RPL6: variants seen among roughly 807,000 people sequenced by gnomAD.
RPL6 encodes the protein ribosomal protein L6, also known as large ribosomal subunit protein eL6.
In RPL6, 1 loss-of-function variant was observed where a neutral mutation model predicts 32.1. The ratio of observed to expected loss-of-function variants is 0.03; its 90% CI spans 0.01 to 0.15. The LOEUF (loss-of-function observed/expected upper bound fraction) is 0.15. RPL6 is among the 10% of genes least tolerant of loss of function. The pLI, the probability that RPL6 is intolerant of heterozygous loss-of-function variation, is 1.00. For synonymous variants in RPL6, 126 were observed against 131.6 expected (o/e 0.96, Z 0.29); for missense variants, 275 against 354.6 (o/e 0.78, Z 1.80).
upstream of RPL6, chr12:112,411,518 T>G (rs937732187): frequency 1.3e-5 from 2 of 152,296 alleles, no homozygotes; most frequent in African/African-American, 4.8e-5. Context: ...GCTTTATTTG[T>G]TTAGCTTCCT....
intron 3 of RPL6, chr12:112,407,948 G>GACCTCAGGTGATCTGCTC (rs2037225438): frequency 2.9e-6 from 1 of 341,514 alleles, no homozygotes; most frequent in African/African-American, 2.2e-5. Flanking sequence ...TTGAACTCCT[G>GACCTCAGGTGATCTGCTC]ACCTCAGGTG....
Position 112,408,286 on chromosome 12 carries a change from C to G in RPL6, c.290G>C (p.Gly97Ala). ...CCGGGTACCGCCGTTCTTGTCACCA[C>G]CAACTGGTTTTGTAACAGTTGCGAG... ...KVLATVTKPV[G>A]GDKNGGTRVV... is the part of the protein sequence containing the mutation. The change falls in exon 3 of 7, where the codon GGT (glycine) becomes GCT (alanine). Residue 97 changes from glycine (G) to alanine (A), a missense_variant. Gly to Ala is a moderately conservative substitution (Grantham distance 60). Transcript: ENST00000202773. 1 of 1,614,232 alleles carries G rather than the reference C, an allele frequency of 6.2e-7. No homozygotes were observed. Among genetic ancestry groups the G allele is most frequent in the Non-Finnish European group, 8.5e-7 (1 of 1,180,050 alleles).
chr12:112,410,403 T>G (rs2037321983), upstream of RPL6: 1 of 226,508 alleles, frequency 4.4e-6, no homozygotes, highest in Middle Eastern at 1.2e-3. Flanking sequence ...AATGAGACTC[T>G]GTCTTAAAAA....
In RPL6 at chr12:112,405,902, A is replaced by T. The variant is rs760084678; in HGVS notation, c.665T>A (p.Leu222Gln). 1.9e-6 allele frequency: 3 copies of T among 1,613,968 alleles called. No homozygotes were observed. Among genetic ancestry groups the T allele is most frequent in the Non-Finnish European group, 1.7e-6 (2 of 1,179,934 alleles). The change falls in exon 6 of 7, where the codon CTG becomes CAG. Residue 222 changes from leucine (L) to glutamine (Q), a missense_variant. Leu to Gln is a moderately radical substitution (Grantham distance 113, BLOSUM62 -2). Transcript: ENST00000202773. ...LTDAYFKKKKLRKPRHQEGEI... is the reference protein window; with the variant it reads ...LTDAYFKKKKQRKPRHQEGEI... ...ACCTTCCTGGTGTCTGGGCTTCCGC[A>T]GCTTCTTCTTCTTGAAGTAAGCATC...
intron 6 of RPL6, 61 bp from the exon 7 acceptor site, chr12:112,405,437 A>G (rs1485436075): frequency 6.6e-7 from 1 of 1,517,978 alleles, no homozygotes; most frequent in Non-Finnish European, 9.0e-7. Context: ...TTGTAGGTCA[A>G]CTAAGGAGTC....
chr12:112,405,939 T>C lies in RPL6; in HGVS notation c.628A>G (p.Lys210Glu), dbSNP rs1331312241. 1.9e-6 allele frequency: 3 copies of C among 1,614,108 alleles called. No individual in the cohort carries two copies. Among genetic ancestry groups the C allele is most frequent in the Non-Finnish European group, 2.5e-6 (3 of 1,179,994 alleles). Reference sequence around the variant, plus strand: ...TTGAAGTAAGCATCAGTAAGATGTTTTGGGATTTTTACATTGCTGATATCG... The same window carrying C: ...TTGAAGTAAGCATCAGTAAGATGTTCTGGGATTTTTACATTGCTGATATCG... ...KIDISNVKIP[K>E]HLTDAYFKKK... Residue 210 changes from lysine to glutamate, a missense_variant, in exon 6 of 7, where the codon AAA becomes GAA. Coordinates refer to ENST00000202773, the MANE Select transcript of RPL6 (RefSeq NM_000970.6).
In RPL6 at chr12:112,405,977, G is replaced by A; in HGVS notation, c.590C>T (p.Thr197Ile). The change falls in exon 6 of 7, where the codon ACT becomes ATT. Residue 197 changes from threonine to isoleucine, a missense_variant. By Grantham distance (89) the Thr-to-Ile change is moderately conservative. Transcript: ENST00000202773. Reference sequence around the variant, plus strand: ...ATTGCTGATATCGATTTTGGTTGAAGTGGCAATGACAAATTTCTGGTGTGT... The same window carrying A: ...ATTGCTGATATCGATTTTGGTTGAAATGGCAATGACAAATTTCTGGTGTGT... ...RRTHQKFVIATSTKIDISNVK... is the reference protein window; with the variant it reads ...RRTHQKFVIAISTKIDISNVK... 1 of 1,614,150 alleles carries A rather than the reference G, an allele frequency of 6.2e-7. No homozygotes were observed. The highest frequency in any genetic ancestry group is 8.5e-7 in the Non-Finnish European group (1 of 1,180,018).
chr12:112,412,335 G>A (rs1050722989), upstream of RPL6, among the ~76,000 whole-genome samples: 9 of 151,532 alleles, frequency 5.9e-5, no homozygotes, highest in East Asian at 5.8e-4. Flanking sequence ...CACCTTGCCC[G>A]GCCAATTTTT....
chr12:112,409,652 A>G, upstream of RPL6: 1 of 396,370 alleles, frequency 2.5e-6, no homozygotes, highest in South Asian at 1.4e-4. Context: ...GGGAAGTGCG[A>G]GTCTCACTTC....
chr12:112,406,095 T>A, intron 5 of RPL6, 58 bp from the exon 6 acceptor site: 1 of 1,452,836 alleles, frequency 6.9e-7, no homozygotes, highest in Admixed American at 1.9e-5. Context: ...ATCCTGCAAT[T>A]TAGGTGACCA....
upstream of RPL6, chr12:112,411,333 C>T (rs1157713737): frequency 2.0e-5 from 3 of 152,198 alleles, no homozygotes; most frequent in African/African-American, 4.8e-5. Flanking sequence ...TTCCTCCATT[C>T]GTTTCTTTCT....
At chr12:112,409,737 G>T (rs552411173), upstream of RPL6, 1 of 347,924 alleles carries the variant, frequency 2.9e-6, no homozygotes, top group Admixed American at 4.8e-5. Context: ...TAGGCCGGGT[G>T]CGGTGGCTCA....
chr12:112,409,349 G>T, intron 1 of RPL6: 1 of 395,754 alleles, frequency 2.5e-6, no homozygotes, highest in Non-Finnish European at 4.5e-6. Context: ...AAAGGGCCTC[G>T]TTCCCCCAGC....
At position 112,405,929 on chromosome 12, in the gene RPL6, G is replaced by A. The variant is rs2037148524; in HGVS notation, c.638C>T (p.Thr213Ile). ...ISNVKIPKHL[T>I]DAYFKKKKLR... is the part of the protein sequence containing the mutation. ...CTTCTTCTTCTTGAAGTAAGCATCA[G>A]TAAGATGTTTTGGGATTTTTACATT... is the stretch of plus-strand genomic sequence containing the variant. The change falls in exon 6 of 7, where the codon ACT (threonine) becomes ATT (isoleucine). Residue 213 changes from threonine to isoleucine, a missense_variant. By Grantham distance (89) the Thr-to-Ile change is moderately conservative (BLOSUM62 -1). Transcript: ENST00000202773. 1.2e-6 allele frequency: 2 copies of A among 1,613,968 alleles called. No individual in the cohort carries two copies. The highest frequency in any genetic ancestry group is 8.5e-7 in the Non-Finnish European group (1 of 1,179,884).
Position 112,405,975 on chromosome 12 carries a change from A to C in RPL6, c.592T>G (p.Ser198Ala). The C allele has an allele frequency of 6.2e-7, 1 of 1,614,156 alleles. No homozygotes were observed. The highest frequency in any genetic ancestry group is 8.5e-7 in the Non-Finnish European group (1 of 1,180,016). The change falls in exon 6 of 7, where the codon TCA becomes GCA. Residue 198 changes from serine to alanine, a missense_variant. By Grantham distance (99) the Ser-to-Ala change is moderately conservative. Transcript: ENST00000202773. ...RTHQKFVIATSTKIDISNVKI... is the reference protein window; with the variant it reads ...RTHQKFVIATATKIDISNVKI... ...ACATTGCTGATATCGATTTTGGTTG[A>C]AGTGGCAATGACAAATTTCTGGTGT...
At chr12:112,409,844 C>G (rs973785862), upstream of RPL6, among the ~76,000 whole-genome samples, 3 of 151,992 alleles carry the variant, frequency 2.0e-5, no homozygotes, top group South Asian at 2.1e-4. Flanking sequence ...AATCCCGTCT[C>G]TACTAAAAAT....
chr12:112,406,373 C>T (rs202224633), intron 4 of RPL6, 31 bp from the exon 5 acceptor site: 16 of 1,592,572 alleles, frequency 1.0e-5, no homozygotes, highest in African/African-American at 2.7e-5. Flanking sequence ...AATTAGTTTT[C>T]TGCAATTAAA....
chr12:112,409,343 G>A, intron 1 of RPL6: 1 of 395,742 alleles, frequency 2.5e-6, no homozygotes, highest in Non-Finnish European at 4.5e-6. Flanking sequence ...TCCCCGAAAG[G>A]GCCTCGTTCC....
Position 112,408,286 on chromosome 12 carries a change from C to T in RPL6, c.290G>A (p.Gly97Asp). Residue 97 changes from glycine to aspartate, a missense_variant, in exon 3 of 7, where the codon GGT becomes GAT. Gly to Asp is a moderately conservative substitution (Grantham distance 94, BLOSUM62 -1). Transcript: ENST00000202773. The part of the protein sequence containing the change: ...KVLATVTKPV[G>D]GDKNGGTRVV... The stretch of plus-strand genomic sequence containing the variant: ...CCGGGTACCGCCGTTCTTGTCACCA[C>T]CAACTGGTTTTGTAACAGTTGCGAG... The T allele has an allele frequency of 1.2e-6, 2 of 1,614,232 alleles. No individual in the cohort carries two copies. The highest frequency in any genetic ancestry group is 1.7e-6 in the Non-Finnish European group (2 of 1,180,050).
Sources: gnomAD v4.1 joint callset for allele counts (sites outside exome capture counted in the v4.1 genomes callset) on GRCh38, gnomAD v4.1.1 for gene constraint, MANE v1.5 for transcripts, NCBI Gene and HGNC (gene_info 2026-07-23, HGNC 2026-07-21) for gene names.